Variants in TNRC6A observed in about 807,000 individuals in gnomAD.
TNRC6A encodes the protein trinucleotide repeat containing adaptor 6A.
In TNRC6A, 44 loss-of-function variants were observed where a neutral mutation model predicts 221.2. That is an observed-to-expected ratio of 0.20 (90% CI 0.16 to 0.26). The LOEUF (loss-of-function observed/expected upper bound fraction) is 0.26, where lower values mean the gene tolerates loss of function less well. Among genes scored for constraint, TNRC6A ranks in the 10% least tolerant of loss-of-function variants. The probability of loss-of-function intolerance (pLI) is 1.00; values close to 1 mark genes in which losing one functional copy is unlikely to be tolerated. For missense variants in TNRC6A, 2,199 were observed against 2,404.4 expected (o/e 0.91, Z 1.79); for synonymous variants, 847 against 838.5 (o/e 1.01, Z -0.18).
intron 22 of TNRC6A, among the ~76,000 whole-genome samples, chr16:24,821,411 G>C (rs929066496): frequency 3.3e-5 from 5 of 152,242 alleles, no homozygotes; most frequent in Non-Finnish European, 5.9e-5. Flanking sequence ...ACCGGAGAAA[G>C]CACAAAGGCT....
chr16:24,707,838 G>C (rs995455928), intron 2 of TNRC6A, among the ~76,000 whole-genome samples: 1 of 152,106 alleles, frequency 6.6e-6, no homozygotes, highest in Non-Finnish European at 1.5e-5. Flanking sequence ...GTGGGTAGAC[G>C]TCTTGAGGCC....
intron 2 of TNRC6A, among the ~76,000 whole-genome samples, chr16:24,670,625 T>C (rs2055276273): frequency 6.6e-6 from 1 of 152,108 alleles, no homozygotes; most frequent in Admixed American, 6.6e-5. Context: ...CCTCTCCAAA[T>C]ACCTGCTTGG....
chr16:24,798,686 C>G (rs915775613), intron 11 of TNRC6A, among the ~76,000 whole-genome samples: 2 of 152,126 alleles, frequency 1.3e-5, no homozygotes, highest in African/African-American at 4.8e-5. Context: ...TTGGAATCAA[C>G]AAAAATTGAT....
chr16:24,648,489 C>G (rs917266995), intron 2 of TNRC6A, among the ~76,000 whole-genome samples: 6 of 151,904 alleles, frequency 3.9e-5, no homozygotes, highest in African/African-American at 1.5e-4. Context: ...CCAGGATGGT[C>G]TCGATCTCCT....
At chr16:24,711,243 A>T (rs937225194) in intron 2 of TNRC6A, among the ~76,000 whole-genome samples, 2 of 151,474 alleles carry the variant, frequency 1.3e-5, no homozygotes, top group Non-Finnish European at 2.9e-5. Context: ...CCTGACCTCA[A>T]ATGATCATCC....
intron 2 of TNRC6A, among the ~76,000 whole-genome samples, chr16:24,714,640 T>C (rs966748083): frequency 2.7e-4 from 41 of 152,276 alleles, no homozygotes; most frequent in African/African-American, 9.6e-4. Flanking sequence ...GCTTTTTTCT[T>C]CTCAGACATT....
At position 24,790,930 on chromosome 16, in the gene TNRC6A, C is replaced by T. The variant is rs761734269; in HGVS notation, c.2288C>T (p.Ser763Leu). 1 of 1,613,790 alleles carries T rather than the reference C, an allele frequency of 6.2e-7. No homozygotes were observed. The highest frequency in any genetic ancestry group is 8.5e-7 in the Non-Finnish European group (1 of 1,179,852). The change falls in exon 6 of 25, where the codon TCA becomes TTA. Residue 763 changes from serine (S) to leucine (L), a missense_variant. By Grantham distance (145) the Ser-to-Leu change is moderately radical. Transcript: ENST00000395799. Reference protein sequence around the residue: ...WGSSATQTFNSGACIDKTSPN... With the variant: ...WGSSATQTFNLGACIDKTSPN... Reference sequence around the variant, plus strand: ...AGCTCTGCAACACAGACTTTTAACTCAGGGGCATGTATAGATAAGACTAGC... The same window carrying T: ...AGCTCTGCAACACAGACTTTTAACTTAGGGGCATGTATAGATAAGACTAGC...
rs965936144 is a variant in TNRC6A at position 24,749,565 on chromosome 16, G to C, written c.54-1161G>C. 2.0e-4 allele frequency among the ~76,000 whole-genome samples: 31 copies of C among 152,216 alleles called. 1 individual carries two copies. The highest frequency in any genetic ancestry group is 7.5e-4 in the African/African-American group (31 of 41,554). ...TTTTGCTTCATGCTCTCTTGCTCTG[G>C]TCTTCTGGAACCCTCTCTAGAGCTC... On this transcript the variant is annotated intron_variant, in intron 2 of 24. Coordinates refer to ENST00000395799, the MANE Select transcript of TNRC6A (RefSeq NM_014494.4).
rs1289318435 is a variant in TNRC6A at position 24,790,890 on chromosome 16, A to G, written c.2248A>G (p.Thr750Ala). 1.9e-6 allele frequency: 3 copies of G among 1,614,146 alleles called. No homozygotes were observed. The highest frequency in any genetic ancestry group is 2.5e-6 in the Non-Finnish European group (3 of 1,180,036). ...AGGGGAACGAAAGACTGACAATGGG[A>G]CAGAGGCCTGGGGAAGCTCTGCAAC... ...PRGERKTDNG[T>A]EAWGSSATQT... The change falls in exon 6 of 25, where the codon ACA becomes GCA. Residue 750 changes from threonine to alanine, a missense_variant. Physicochemically the swap from Thr to Ala is moderately conservative, Grantham distance 58. Coordinates refer to ENST00000395799, the MANE Select transcript of TNRC6A (RefSeq NM_014494.4).
intron 2 of TNRC6A, among the ~76,000 whole-genome samples, chr16:24,660,570 G>A (rs768418292): frequency 1.3e-5 from 2 of 151,878 alleles, no homozygotes; most frequent in Non-Finnish European, 2.9e-5. Flanking sequence ...CAAGTTTGAT[G>A]CCATTTTCTG....
chr16:24,693,312 C>A (rs931431878), intron 2 of TNRC6A, among the ~76,000 whole-genome samples: 1 of 151,936 alleles, frequency 6.6e-6, no homozygotes, highest in Non-Finnish European at 1.5e-5. Context: ...TTAGGCCAGA[C>A]GCAGTAGCTC....
intron 2 of TNRC6A, among the ~76,000 whole-genome samples, chr16:24,745,091 C>A (rs117483588): frequency 6.6e-6 from 1 of 152,102 alleles, no homozygotes. Flanking sequence ...TAGCATGTTC[C>A]CCACCCTTCA....
upstream of TNRC6A, among the ~76,000 whole-genome samples, chr16:24,726,479 A>T (rs2056494775): frequency 6.6e-6 from 1 of 152,124 alleles, no homozygotes; most frequent in Admixed American, 6.6e-5. Context: ...TGGCAAATGT[A>T]GCTAAGAAGT....
chr16:24,789,169 T>G (rs1228950992), intron 5 of TNRC6A, 63 bp from the exon 6 acceptor site: 4 of 1,455,064 alleles, frequency 2.7e-6, no homozygotes, highest in Non-Finnish European at 3.7e-6. Flanking sequence ...TTTTCTTAGA[T>G]TTTAGTATCA....
At position 24,750,726 on chromosome 16, in the gene TNRC6A, G is replaced by T; in HGVS notation, c.54G>T (p.Arg18Ser). 1 of 1,528,568 alleles carries T rather than the reference G, an allele frequency of 6.5e-7. No individual in the cohort carries two copies. The highest frequency in any genetic ancestry group is 1.3e-5 in the South Asian group (1 of 74,338). The allele number at this position is 1,528,568 out of a possible 1,614,324, so 94.7% of individuals were successfully genotyped here. Residue 18 changes from arginine (R) to serine (S), a missense_variant and splice_region_variant, in exon 3 of 25, where the codon AGG becomes AGT. Transcript: ENST00000395799. ...ACTTAATTGCAACTGTGTGGTTCAG[G>T]GATTTAGTGCAAGAAGAAGAACAGT... The part of the protein sequence containing the change: ...ATKDVERNLS[R>S]DLVQEEEQLM...
intron 4 of TNRC6A, among the ~76,000 whole-genome samples, chr16:24,763,268 T>G (rs533072672): frequency 6.6e-6 from 1 of 152,280 alleles, no homozygotes; most frequent in Admixed American, 6.5e-5. Context: ...TAATGACAAT[T>G]TTGCTAAAAA....
rs1215408301 is a variant in TNRC6A, at chr16:24,695,216, C to T, written n.402+54207C>T. Among the ~76,000 whole-genome samples, 5 of 152,096 alleles carry T rather than the reference C, an allele frequency of 3.3e-5. No individual in the cohort carries two copies. In the East Asian group the frequency reaches 9.6e-4, roughly 29 times the overall value. Reference sequence around the variant, plus strand: ...AACTCTGGGGAGTGAGGTCAGGCAGCGAGCCAGTGGTGGGAAGGAAACTGT... The same window carrying T: ...AACTCTGGGGAGTGAGGTCAGGCAGTGAGCCAGTGGTGGGAAGGAAACTGT... On this transcript the variant is annotated intron_variant and non_coding_transcript_variant, in intron 2 of 2. Transcript: ENST00000566108.
At chr16:24,820,787 G>T (rs563875159) in intron 22 of TNRC6A, among the ~76,000 whole-genome samples, 2 of 152,176 alleles carry the variant, frequency 1.3e-5, no homozygotes, top group African/African-American at 4.8e-5. Flanking sequence ...TGGCCAACAG[G>T]CATAAGCCAG....
intron 1 of TNRC6A, among the ~76,000 whole-genome samples, chr16:24,634,142 A>G (rs1901500148): frequency 6.6e-6 from 1 of 152,170 alleles, no homozygotes; most frequent in South Asian, 2.1e-4. Context: ...CATTTGATCA[A>G]TAAATTTCAA....
Sources: allele counts gnomAD v4.1 joint callset (sites outside exome capture counted in the v4.1 genomes callset), GRCh38; gene constraint gnomAD v4.1.1; transcripts MANE v1.5; gene names NCBI Gene and HGNC (gene_info 2026-07-23, HGNC 2026-07-21).